Variants in DYNC1I1 observed in about 807,000 individuals in gnomAD.
DYNC1I1 encodes the protein dynein cytoplasmic 1 intermediate chain 1.
DYNC1I1 carries 43 observed loss-of-function variants against 86.6 expected under a neutral mutation model. That is an observed-to-expected ratio of 0.50 (90% CI 0.39 to 0.64). The LOEUF is 0.64. Among genes scored for constraint, DYNC1I1 ranks in the 30% least tolerant of loss-of-function variants. The pLI is 0.00. For synonymous variants in DYNC1I1, 262 were observed against 283.7 expected (o/e 0.92, Z 0.77); for missense variants, 604 against 788.8 (o/e 0.77, Z 2.81).
At chr7:95,913,163 C>T (rs1207589070) in intron 6 of DYNC1I1, among the ~76,000 whole-genome samples, 1 of 152,110 alleles carries the variant, frequency 6.6e-6, no homozygotes, top group Non-Finnish European at 1.5e-5. Context: ...ATGGTTCTAT[C>T]CTGGGTGGGA....
chr7:95,981,740 A>G (rs1793464479), intron 7 of DYNC1I1, among the ~76,000 whole-genome samples: 1 of 152,164 alleles, frequency 6.6e-6, no homozygotes, highest in Non-Finnish European at 1.5e-5. Flanking sequence ...AAAATCTGCT[A>G]TAATAGTATT....
chr7:95,987,566 C>A (rs1352774250), intron 9 of DYNC1I1, among the ~76,000 whole-genome samples: 1 of 152,188 alleles, frequency 6.6e-6, no homozygotes, highest in Non-Finnish European at 1.5e-5. Flanking sequence ...AGTTCTCTGA[C>A]TTCTCCAGGA....
At chr7:96,104,442 T>C (rs1310707009) in intron 16 of DYNC1I1, among the ~76,000 whole-genome samples, 1 of 152,190 alleles carries the variant, frequency 6.6e-6, no homozygotes, top group Non-Finnish European at 1.5e-5. Flanking sequence ...AGTAAATCTT[T>C]GCCACAGGTC....
At chr7:95,847,037 T>C (rs1356695805) in intron 5 of DYNC1I1, among the ~76,000 whole-genome samples, 1 of 152,212 alleles carries the variant, frequency 6.6e-6, no homozygotes, top group Non-Finnish European at 1.5e-5. Context: ...CCACCAAGTA[T>C]GCATTTTGTT....
At chr7:95,887,297 T>TTAGAATCACTTAGAAGATCACTTAG (rs1288352243) in intron 6 of DYNC1I1, among the ~76,000 whole-genome samples, 3 of 152,220 alleles carry the variant, frequency 2.0e-5, no homozygotes, top group African/African-American at 7.2e-5. Flanking sequence ...ATCACTGATC[T>TTAGAATCACTTAGAAGATCACTTAG]AATCAAAGAG....
intron 15 of DYNC1I1, 144 bp downstream of exon 15, chr7:96,076,341 T>A (rs140044885): frequency 3.2e-6 from 4 of 1,248,534 alleles, no homozygotes; most frequent in Non-Finnish European, 4.3e-6. Context: ...CATTCTTGAC[T>A]ACCCTGAAGG....
intron 9 of DYNC1I1, among the ~76,000 whole-genome samples, chr7:95,995,013 C>T (rs1393862642): frequency 5.9e-5 from 9 of 151,852 alleles, no homozygotes; most frequent in Non-Finnish European, 1.2e-4. Flanking sequence ...TTTGAGAGGC[C>T]GAGGCTGGTG....
intron 6 of DYNC1I1, among the ~76,000 whole-genome samples, chr7:95,925,349 GT>G (rs1189497154): frequency 6.6e-6 from 1 of 152,088 alleles, no homozygotes; most frequent in Non-Finnish European, 1.5e-5. Flanking sequence ...TTGTCTGAAT[GT>G]TTTTCCCAGC....
intron 10 of DYNC1I1, among the ~76,000 whole-genome samples, chr7:96,006,659 A>G (rs767816534): frequency 6.6e-5 from 10 of 152,204 alleles, no homozygotes; most frequent in Non-Finnish European, 1.3e-4. Context: ...CAAATCAGAT[A>G]TGATTTACTA....
intron 6 of DYNC1I1, among the ~76,000 whole-genome samples, chr7:95,972,929 TG>T (rs1387809479): frequency 3.9e-5 from 6 of 152,196 alleles, no homozygotes; most frequent in African/African-American, 1.4e-4. Context: ...CAGCAGAATA[TG>T]GGTATTAAAT....
intron 10 of DYNC1I1, among the ~76,000 whole-genome samples, chr7:96,020,201 G>C (rs1467295724): frequency 6.6e-6 from 1 of 151,832 alleles, no homozygotes; most frequent in Non-Finnish European, 1.5e-5. Context: ...GCGGCTGCTT[G>C]CATTAGTCTG....
chr7:95,781,081 T>C (rs1293006067), intron 1 of DYNC1I1, among the ~76,000 whole-genome samples: 1 of 151,916 alleles, frequency 6.6e-6, no homozygotes, highest in Non-Finnish European at 1.5e-5. Flanking sequence ...AGGTTACAGC[T>C]GATTTGGAAA....
In DYNC1I1 at chr7:96,082,735, C is replaced by A. The variant is rs561525826; in HGVS notation, c.1776+2247C>A. ...TTCTGCAATAAAAGTGATTTTACAG[C>A]TTTTGGACAGAATTACTTGAATATG... On this transcript the variant is annotated intron_variant, in intron 16 of 16. Coordinates refer to ENST00000447467, the MANE Select transcript of DYNC1I1 (RefSeq NM_001135556.2). 1.3e-5 allele frequency among the ~76,000 whole-genome samples: 2 copies of A among 152,198 alleles called. 1 individual carries two copies. Among genetic ancestry groups the A allele is most frequent in the African/African-American group, 4.8e-5 (2 of 41,534 alleles).
chr7:96,058,800 A>ATTT lies in DYNC1I1; in HGVS notation c.1510-17236_1510-17234dup, dbSNP rs35348142. 7.4e-3 allele frequency among the ~76,000 whole-genome samples: 734 copies of ATTT among 98,654 alleles called. 7 individuals carry two copies. The highest frequency in any genetic ancestry group is 0.02 in the South Asian group (51 of 2,610). 64.7% of individuals were successfully genotyped at this position (98,654 alleles called of 152,430 possible). A position where few individuals can be genotyped will look rare whatever the true frequency, so the allele number is the denominator to read the frequency against. ...AGGCATGTGCTACCATGCCTGGCTA[A>ATTT]TTTTTTTTTTTTTTTTTTTTTTTGG... On this transcript the variant is annotated intron_variant, in intron 14 of 16. Coordinates refer to ENST00000447467, the MANE Select transcript of DYNC1I1 (RefSeq NM_001135556.2).
intron 10 of DYNC1I1, among the ~76,000 whole-genome samples, chr7:96,000,731 C>T (rs1793989370): frequency 6.6e-6 from 1 of 152,182 alleles, no homozygotes; most frequent in Non-Finnish European, 1.5e-5. Context: ...ATCTACCCTC[C>T]TCTAGAGTCT....
intron 14 of DYNC1I1, among the ~76,000 whole-genome samples, chr7:96,070,712 T>C (rs1414043514): frequency 6.6e-6 from 1 of 152,238 alleles, no homozygotes; most frequent in Non-Finnish European, 1.5e-5. Flanking sequence ...CCACAACATT[T>C]TTAGGTGTTA....
At chr7:95,996,150 T>TA in intron 10 of DYNC1I1, 77 bp downstream of exon 10, 1 of 1,580,894 alleles carries the variant, frequency 6.3e-7, no homozygotes, top group Non-Finnish European at 8.6e-7. Context: ...GCATCTGTCT[T>TA]ATGCTGAGAG....
At chr7:96,102,113 A>G (rs565617275), downstream of DYNC1I1, among the ~76,000 whole-genome samples, 16 of 152,190 alleles carry the variant, frequency 1.1e-4, no homozygotes, top group Non-Finnish European at 2.2e-4. Context: ...GTATGTGGCC[A>G]TTGATGGATG....
At chr7:95,928,371 C>A (rs1442898137) in intron 6 of DYNC1I1, among the ~76,000 whole-genome samples, 1 of 152,200 alleles carries the variant, frequency 6.6e-6, no homozygotes, top group Non-Finnish European at 1.5e-5. Context: ...TCAAAAAACA[C>A]ATTTTCCAGA....
Sources: gnomAD v4.1 joint callset for allele counts (sites outside exome capture counted in the v4.1 genomes callset) on GRCh38, gnomAD v4.1.1 for gene constraint, MANE v1.5 for transcripts, NCBI Gene and HGNC (gene_info 2026-07-23, HGNC 2026-07-21) for gene names.